DSCAM: variants seen among roughly 807,000 people sequenced by gnomAD.
The protein encoded by DSCAM is cell adhesion molecule DSCAM.
In DSCAM, 47 loss-of-function variants were observed where a neutral mutation model predicts 217.7. The ratio of observed to expected loss-of-function variants is 0.22; its 90% confidence interval spans 0.17 to 0.28. DSCAM has a LOEUF of 0.28. DSCAM is among the 10% of genes least tolerant of loss of function. DSCAM has a pLI of 1.00. For missense variants in DSCAM, 2,080 were observed against 2,618.3 expected, an observed-to-expected ratio of 0.79 and a Z score of 4.49; for synonymous variants, 1,056 against 1,015.3, an observed-to-expected ratio of 1.04 and a Z score of -0.76.
At chr21:40,056,673 A>G (rs2146507550) in intron 28 of DSCAM, among the ~76,000 whole-genome samples, 1 of 152,342 alleles carries the variant, frequency 6.6e-6, no homozygotes, top group South Asian at 2.1e-4. Flanking sequence ...TTCAAATAGT[A>G]TTTACTGAAG....
chr21:40,327,644 C>T (rs1432483651), intron 8 of DSCAM, among the ~76,000 whole-genome samples: 1 of 151,562 alleles, frequency 6.6e-6, no homozygotes, highest in Non-Finnish European at 1.5e-5. Context: ...TAAGGAAAAG[C>T]TTCCAACTTG....
chr21:40,260,417 T>C (rs766083081), intron 11 of DSCAM, among the ~76,000 whole-genome samples: 16 of 152,240 alleles, frequency 1.1e-4, no homozygotes, highest in Non-Finnish European at 1.5e-4. Flanking sequence ...GAGCAGATGG[T>C]GGGTCACTGC....
chr21:40,208,662 T>C (rs370530634), intron 11 of DSCAM, among the ~76,000 whole-genome samples: 13 of 152,248 alleles, frequency 8.5e-5, no homozygotes, highest in South Asian at 4.2e-4. Flanking sequence ...CTAACTTACA[T>C]GTGAAGGAAC....
At chr21:40,499,402 A>G (rs1486079482) in intron 3 of DSCAM, among the ~76,000 whole-genome samples, 1 of 152,176 alleles carries the variant, frequency 6.6e-6, no homozygotes, top group Non-Finnish European at 1.5e-5. Context: ...AGATTAAAGC[A>G]AACAAAAAAA....
chr21:40,814,877 G>A (rs2091867809), intron 1 of DSCAM, among the ~76,000 whole-genome samples: 1 of 152,098 alleles, frequency 6.6e-6, no homozygotes, highest in Non-Finnish European at 1.5e-5. Context: ...TATTGAAAAG[G>A]CCATTGATCT....
chr21:40,063,941 G>A (rs1261948586), intron 27 of DSCAM, among the ~76,000 whole-genome samples: 1 of 152,020 alleles, frequency 6.6e-6, no homozygotes, highest in Non-Finnish European at 1.5e-5. Flanking sequence ...CTGGTTTTGT[G>A]CACAGATGGG....
chr21:40,211,197 AT>A (rs1390525203), intron 11 of DSCAM, among the ~76,000 whole-genome samples: 1 of 152,162 alleles, frequency 6.6e-6, no homozygotes, highest in Non-Finnish European at 1.5e-5. Flanking sequence ...TCAACAGTTC[AT>A]TTCTTTTGAT....
intron 3 of DSCAM, among the ~76,000 whole-genome samples, chr21:40,483,080 C>A (rs1257113160): frequency 6.6e-6 from 1 of 152,134 alleles, no homozygotes; most frequent in Non-Finnish European, 1.5e-5. Flanking sequence ...TTAGTTGTGA[C>A]TAATATTTTA....
At chr21:40,572,440 A>G (rs1568913780) in intron 3 of DSCAM, among the ~76,000 whole-genome samples, 1 of 152,228 alleles carries the variant, frequency 6.6e-6, no homozygotes, top group Non-Finnish European at 1.5e-5. Flanking sequence ...ATTGATAATT[A>G]CATTAAATAT....
intron 3 of DSCAM, among the ~76,000 whole-genome samples, chr21:40,443,851 C>T (rs887392052): frequency 1.3e-5 from 2 of 152,156 alleles, no homozygotes; most frequent in African/African-American, 4.8e-5. Context: ...TTTACAGCAG[C>T]TCTACATCAT....
intron 1 of DSCAM, among the ~76,000 whole-genome samples, chr21:40,723,308 T>C (rs1412044228): frequency 6.6e-6 from 1 of 152,148 alleles, no homozygotes; most frequent in Non-Finnish European, 1.5e-5. Flanking sequence ...GTGCTGGTAC[T>C]AGGCTCTTAG....
intron 3 of DSCAM, among the ~76,000 whole-genome samples, chr21:40,518,564 AC>A: frequency 3.5e-5 from 3 of 86,212 alleles, no homozygotes; most frequent in African/African-American, 1.7e-4. Context: ...ATACACACAC[AC>A]ATATATACAT....
rs78645625 is a variant in DSCAM at position 40,028,842 on chromosome 21, G to A, written c.5686+13529C>T. On this transcript the variant is annotated intron_variant, in intron 32 of 32. Coordinates refer to ENST00000400454, the MANE Select transcript of DSCAM (RefSeq NM_001389.5). Reference sequence around the variant, plus strand: ...CTGCAGACCGGAGCTGTTCCTATTCGCACTTATTTTCCATTCTTGCCCTTA... The same window carrying A: ...CTGCAGACCGGAGCTGTTCCTATTCACACTTATTTTCCATTCTTGCCCTTA... 6.1e-3 allele frequency among the ~76,000 whole-genome samples: 931 copies of A among 152,222 alleles called. 9 individuals carry two copies. Among genetic ancestry groups the A allele is most frequent in the African/African-American group, 0.021 (875 of 41,512 alleles).
intron 11 of DSCAM, among the ~76,000 whole-genome samples, chr21:40,219,145 G>A (rs1176614040): frequency 6.6e-6 from 1 of 152,164 alleles, no homozygotes; most frequent in African/African-American, 2.4e-5. Context: ...TTTAAGGTAT[G>A]TTCCTTCAAT....
chr21:40,081,409 A>C (rs910122463), intron 24 of DSCAM, among the ~76,000 whole-genome samples: 1 of 152,018 alleles, frequency 6.6e-6, no homozygotes, highest in Non-Finnish European at 1.5e-5. Context: ...GCGATCACTC[A>C]TCTCTGATGC....
At chr21:40,072,511 T>A (rs968480427) in intron 27 of DSCAM, among the ~76,000 whole-genome samples, 8 of 152,010 alleles carry the variant, frequency 5.3e-5, no homozygotes, top group Admixed American at 1.3e-4. Flanking sequence ...CACCCCCGGC[T>A]AATTTTTTTT....
At chr21:40,123,339 C>T (rs984281037) in intron 20 of DSCAM, among the ~76,000 whole-genome samples, 2 of 152,176 alleles carry the variant, frequency 1.3e-5, no homozygotes, top group African/African-American at 2.4e-5. Flanking sequence ...TGTGTATATT[C>T]ACTCAACAAA....
chr21:40,478,641 A>G (rs2075957110), intron 3 of DSCAM, among the ~76,000 whole-genome samples: 1 of 152,164 alleles, frequency 6.6e-6, no homozygotes, highest in South Asian at 2.1e-4. Context: ...TTTTGAGCAA[A>G]GAACTATAAA....
At chr21:40,556,049 T>C (rs2076669148) in intron 3 of DSCAM, among the ~76,000 whole-genome samples, 1 of 152,146 alleles carries the variant, frequency 6.6e-6, no homozygotes, top group Non-Finnish European at 1.5e-5. Flanking sequence ...ATAGAGTGTA[T>C]AGAAGAAAAA....
Sources: allele counts gnomAD v4.1 joint callset (sites outside exome capture counted in the v4.1 genomes callset), GRCh38; gene constraint gnomAD v4.1.1; transcripts MANE v1.5; gene names NCBI Gene and HGNC (gene_info 2026-07-23, HGNC 2026-07-21).